UBE4A: variants seen among roughly 807,000 people sequenced by gnomAD.
The protein encoded by UBE4A is ubiquitination factor E4A.
Under a neutral mutation model 117.9 loss-of-function variants are expected in UBE4A, and 48 were observed. The ratio of observed to expected loss-of-function variants is 0.41; its 90% CI spans 0.32 to 0.52. UBE4A has a LOEUF of 0.52. UBE4A is among the 20% of genes least tolerant of loss of function. The pLI, the probability that UBE4A is intolerant of heterozygous loss-of-function variation, is 0.33. For missense variants in UBE4A, 1,067 were observed against 1,296.3 expected (o/e 0.82, Z 2.72); for synonymous variants, 407 against 450.0 (o/e 0.90, Z 1.21).
At position 118,380,116 on chromosome 11, in the gene UBE4A, A is replaced by AGT. The variant is rs56027138; in HGVS notation, c.1876+382_1876+383dup. Among the ~76,000 whole-genome samples the AGT allele has an allele frequency of 1.0e-3, 146 of 142,690 alleles. 1 individual carries two copies. Among genetic ancestry groups the AGT allele is most frequent in the East Asian group, 6.9e-3 (34 of 4,960 alleles). 93.6% of individuals were successfully genotyped at this position (142,690 alleles called of 152,430 possible). On this transcript the variant is annotated intron_variant, in intron 11 of 19. Transcript: ENST00000252108. The stretch of plus-strand genomic sequence containing the variant: ...CTGCTGGTTAACTCAGAAGGGAAAG[A>AGT]GTGTGTGTGTGTGTGTGCGTGTGTG...
intron 19 of UBE4A, 57 bp from the exon 20 acceptor site, chr11:118,396,257 C>T: frequency 6.4e-7 from 1 of 1,564,914 alleles, no homozygotes; most frequent in Non-Finnish European, 8.6e-7. Context: ...CTGTTTTTGG[C>T]TTAGAATGTT....
rs1948617502 is a variant in UBE4A at position 118,372,514 on chromosome 11, A to G, written c.569A>G (p.Lys190Arg). 9 of 1,600,564 alleles carry G rather than the reference A, an allele frequency of 5.6e-6. No homozygotes were observed. Among genetic ancestry groups the G allele is most frequent in the East Asian group, 2.2e-5 (1 of 44,830 alleles). ...TCTTCATGCTGTTTGCAGATTACCA[A>G]AGTTCCAGAGAACCTGCTACCCTTT... ...CFQRAKEEIT[K>R]VPENLLPFAV... The change falls in exon 6 of 20, where the codon AAA (lysine) becomes AGA (arginine). Residue 190 changes from lysine to arginine, a missense_variant. Lys to Arg is a conservative substitution (Grantham distance 26, BLOSUM62 2). Coordinates refer to ENST00000252108, the MANE Select transcript of UBE4A (RefSeq NM_001204077.2).
chr11:118,362,557 A>G (rs1487684212), intron 1 of UBE4A, among the ~76,000 whole-genome samples: 2 of 152,228 alleles, frequency 1.3e-5, no homozygotes. Context: ...GTTTTAAAAA[A>G]CATCAAACTG....
intron 1 of UBE4A, among the ~76,000 whole-genome samples, chr11:118,360,831 G>C (rs1423290241): frequency 4.6e-5 from 7 of 152,050 alleles, no homozygotes; most frequent in South Asian, 2.1e-4. Context: ...AGTGAAACTT[G>C]TTTTCAAGGA....
Position 118,397,837 on chromosome 11 carries a change from A to G in UBE4A, c.*1397A>G, listed in dbSNP as rs1302401427. On this transcript the variant is annotated 3_prime_UTR_variant, in exon 20 of 20. Coordinates refer to ENST00000252108, the MANE Select transcript of UBE4A (RefSeq NM_001204077.2). Reference sequence around the variant, plus strand: ...CACAAGTTGCTATAAGCAGTCCTTGATGGGTTTTTGATTGCATCAGCTGGA... The same window carrying G: ...CACAAGTTGCTATAAGCAGTCCTTGGTGGGTTTTTGATTGCATCAGCTGGA... The G allele has an allele frequency of 2.0e-5, 3 of 152,160 alleles. No individual in the cohort carries two copies. Among genetic ancestry groups the G allele is most frequent in the Non-Finnish European group, 4.4e-5 (3 of 68,036 alleles). The allele number at this position is 152,160 out of a possible 1,614,324, so 9.4% of individuals were successfully genotyped here.
At chr11:118,379,889 A>G in intron 11 of UBE4A, 139 bp downstream of exon 11, 1 of 1,032,600 alleles carries the variant, frequency 9.7e-7, no homozygotes, top group Non-Finnish European at 1.4e-6. Flanking sequence ...AACTTAGATA[A>G]TATCTACTGG....
In UBE4A at chr11:118,398,486, C is replaced by T. The variant is rs1285244842; in HGVS notation, c.*2046C>T. ...GTAAGGAAACCAAGTGTCCTCTGTG[C>T]CTTTTTTCTTTCTGTGAAGTAATTT... is the stretch of plus-strand genomic sequence containing the variant. On this transcript the variant is annotated 3_prime_UTR_variant, in exon 20 of 20. Coordinates refer to ENST00000252108, the MANE Select transcript of UBE4A (RefSeq NM_001204077.2). 1.3e-5 allele frequency: 2 copies of T among 152,586 alleles called. No individual in the cohort carries two copies. The highest frequency in any genetic ancestry group is 2.9e-5 in the Non-Finnish European group (2 of 68,056). The allele number at this position is 152,586 out of a possible 1,614,324, so 9.5% of individuals were successfully genotyped here. A position where few individuals can be genotyped will look rare whatever the true frequency, so the allele number is the denominator to read the frequency against.
At chr11:118,371,779 A>G in intron 5 of UBE4A, 113 bp downstream of exon 5, 1 of 1,145,890 alleles carries the variant, frequency 8.7e-7, no homozygotes, top group Non-Finnish European at 1.2e-6. Flanking sequence ...TAGTATGTCT[A>G]GAAGTGAATA....
chr11:118,376,528 G>A lies in UBE4A; in HGVS notation c.1451-46G>A, dbSNP rs782660481. ...AATTGAATGAGTGTAAGAGGAGACT[G>A]GAGACCAAGACATTTACCCTCTTTT... On this transcript the variant is annotated intron_variant, in intron 9 of 19. Transcript: ENST00000252108. 3 of 1,601,770 alleles carry A rather than the reference G, an allele frequency of 1.9e-6. No homozygotes were observed. In the African/African-American group the frequency reaches 4.1e-5, roughly 22 times the overall value.
rs995545894 is a variant in UBE4A at position 118,390,005 on chromosome 11, G to T, written c.2768+100G>T. On this transcript the variant is annotated intron_variant, in intron 17 of 19. Coordinates refer to ENST00000252108, the MANE Select transcript of UBE4A (RefSeq NM_001204077.2). ...TTGGTAATTATGTGAAAATAGAAAA[G>T]AAATGGTTAATTCCTAGTTGCTTGA... is the stretch of plus-strand genomic sequence containing the variant. 1.0e-5 allele frequency: 13 copies of T among 1,256,742 alleles called. No homozygotes were observed. The Admixed American group carries it at 1.3e-4, about 12-fold the overall frequency. The allele number at this position is 1,256,742 out of a possible 1,614,324, so 77.8% of individuals were successfully genotyped here.
At chr11:118,361,447 A>G (rs150336083) in intron 1 of UBE4A, among the ~76,000 whole-genome samples, 39 of 152,360 alleles carry the variant, frequency 2.6e-4, no homozygotes, top group Non-Finnish European at 5.0e-4. Context: ...AGTCCATTGA[A>G]CAAATCTAAA....
Position 118,392,793 on chromosome 11 carries a change from A to C in UBE4A, c.2972A>C (p.Glu991Ala). The C allele has an allele frequency of 1.2e-6, 2 of 1,614,134 alleles. No homozygotes were observed. The highest frequency in any genetic ancestry group is 1.7e-6 in the Non-Finnish European group (2 of 1,180,010). ...GAAACCTATGCAGATGCCTGTGATG[A>C]GTTCCTGGATCCCATTATGAGCACA... ...EEETYADACD[E>A]FLDPIMSTLM... is the part of the protein sequence containing the mutation. Residue 991 changes from glutamate (E) to alanine (A), a missense_variant, in exon 19 of 20, where the codon GAG becomes GCG. This residue lies in a region of UBE4A where 34 missense variants were observed against 77.7 expected (regional missense o/e 0.44). Transcript: ENST00000252108.
At position 118,373,150 on chromosome 11, in the gene UBE4A, T is replaced by G; in HGVS notation, c.786T>G (p.Val262=). 9.9e-6 allele frequency: 16 copies of G among 1,614,118 alleles called. No homozygotes were observed. The highest frequency in any genetic ancestry group is 1.4e-5 in the Non-Finnish European group (16 of 1,180,016). The change falls in exon 7 of 20, where the codon GTT becomes GTG. Residue 262 remains valine, a synonymous_variant. Transcript: ENST00000252108. ...AAGCCTTGATATTGGATGAGGAAGT[T>G]AGAACATTTCCAGAAGTCATGATTC... ...VIEALILDEE[V]RTFPEVMIPV... is the part of the protein sequence containing the mutation.
chr11:118,369,644 C>G, intron 4 of UBE4A, 109 bp downstream of exon 4: 1 of 618,354 alleles, frequency 1.6e-6, no homozygotes, highest in Non-Finnish European at 2.7e-6. Context: ...CCATCCCTCT[C>G]TCTTTTTTTT....
chr11:118,359,792 A>G (rs909856982), intron 1 of UBE4A, 118 bp downstream of exon 1: 8 of 152,350 alleles, frequency 5.3e-5, no homozygotes, highest in Admixed American at 6.5e-5. Flanking sequence ...TCCTTCTCCT[A>G]TGCTTTGCTA....
At chr11:118,380,325 G>C (rs1386396868) in intron 11 of UBE4A, among the ~76,000 whole-genome samples, 1 of 152,078 alleles carries the variant, frequency 6.6e-6, no homozygotes, top group Non-Finnish European at 1.5e-5. Context: ...GTGCACGCCT[G>C]TAATCCCAGC....
chr11:118,371,926 C>G (rs1046669578), intron 5 of UBE4A, among the ~76,000 whole-genome samples: 2 of 152,138 alleles, frequency 1.3e-5, no homozygotes, highest in African/African-American at 4.8e-5. Flanking sequence ...CCAATGCCTC[C>G]TATTCTCTCT....
chr11:118,379,731 C>T lies in UBE4A; in HGVS notation c.1857C>T (p.Ser619=). ...ELTFPLPDGY[S]SLAYVPEFFA... is the part of the protein sequence containing the mutation. Reference sequence around the variant, plus strand: ...CCTTTCCTTTGCCAGATGGCTACAGCTCTTTGGCTTATGTGCCAGGTAAGC... The same window carrying T: ...CCTTTCCTTTGCCAGATGGCTACAGTTCTTTGGCTTATGTGCCAGGTAAGC... The change falls in exon 11 of 20, where the codon AGC becomes AGT. Residue 619 remains serine, a synonymous_variant. Coordinates refer to ENST00000252108, the MANE Select transcript of UBE4A (RefSeq NM_001204077.2). 6.2e-7 allele frequency: 1 copy of T among 1,608,398 alleles called. No homozygotes were observed. Among genetic ancestry groups the T allele is most frequent in the Non-Finnish European group, 8.5e-7 (1 of 1,175,052 alleles).
Position 118,365,154 on chromosome 11 carries a change from C to G in UBE4A, c.74C>G (p.Ala25Gly), listed in dbSNP as rs1361655455. The change falls in exon 2 of 20, where the codon GCC (alanine) becomes GGC (glycine). Residue 25 changes from alanine to glycine, a missense_variant. By Grantham distance (60) the Ala-to-Gly change is moderately conservative (BLOSUM62 0). Transcript: ENST00000252108. The stretch of plus-strand genomic sequence containing the variant: ...GCTCTTTTTGGCTCCCTGGCTGATG[C>G]CAAACAGTTTGCGGCAATCCAAAAA... Reference protein sequence around the residue: ...FAALFGSLADAKQFAAIQKEQ... With the variant: ...FAALFGSLADGKQFAAIQKEQ... 1 of 1,613,630 alleles carries G rather than the reference C, an allele frequency of 6.2e-7. No individual in the cohort carries two copies. Among genetic ancestry groups the G allele is most frequent in the Admixed American group, 1.7e-5 (1 of 59,928 alleles).
Sources: gnomAD v4.1 joint callset for allele counts (sites outside exome capture counted in the v4.1 genomes callset) on GRCh38, gnomAD v4.1.1 for gene constraint, gnomAD v4.1.1 regional missense constraint, MANE v1.5 for transcripts, NCBI Gene and HGNC (gene_info 2026-07-23, HGNC 2026-07-21) for gene names.